The following MOV10 variants were observed in gnomAD, a reference collection of about 807,000 sequenced individuals.
The protein encoded by MOV10 is Mov10 RNA helicase, also known as RNA helicase MOV-10.
MOV10 carries 39 observed loss-of-function variants against 108.4 expected under a neutral mutation model. The ratio of observed to expected loss-of-function variants is 0.36; its 90% CI spans 0.28 to 0.47. The LOEUF (loss-of-function observed/expected upper bound fraction) is 0.47. Ranked by LOEUF, MOV10 falls within the 20% of genes least tolerant of loss-of-function variation. The probability of loss-of-function intolerance (pLI) is 1.00; values close to 1 mark genes in which losing one functional copy is unlikely to be tolerated. For synonymous variants in MOV10, 490 were observed against 523.1 expected, an observed-to-expected ratio of 0.94 and a Z score of 0.86; for missense variants, 952 against 1,297.6, an observed-to-expected ratio of 0.73 and a Z score of 4.09.
At position 112,696,475 on chromosome 1, in the gene MOV10, A is replaced by G; in HGVS notation, c.1922A>G (p.His641Arg). ...SAQFPIDHFT[H>R]IFIDEAGHCM... ...CAGTTTCCCATTGATCACTTCACAC[A>G]CATCTTCATCGATGAGGCTGGCCAC... The change falls in exon 13 of 21, where the codon CAC becomes CGC. Residue 641 changes from histidine to arginine, a missense_variant. By Grantham distance (29) the His-to-Arg change is conservative. This residue lies in a region of MOV10 where 453 missense variants were observed against 611.5 expected (regional missense o/e 0.74). Coordinates refer to ENST00000369645, the MANE Select transcript of MOV10 (RefSeq NM_001321324.2). The G allele has an allele frequency of 6.2e-7, 1 of 1,614,082 alleles. No homozygotes were observed. Among genetic ancestry groups the G allele is most frequent in the Non-Finnish European group, 8.5e-7 (1 of 1,179,994 alleles).
chr1:112,694,834 T>C lies in MOV10; in HGVS notation c.1558T>C (p.Tyr520His). ...IVTGTTRPAP[Y>H]IIFGPPGTGK... The stretch of plus-strand genomic sequence containing the variant: ...TACGGGCACCACCCGTCCAGCCCCC[T>C]ACATCATCTTTGGGCCTCCAGGCAC... The change falls in exon 10 of 21, where the codon TAC (tyrosine) becomes CAC (histidine). Residue 520 changes from tyrosine to histidine, a missense_variant. Tyr to His is a moderately conservative substitution (Grantham distance 83, BLOSUM62 2). This residue lies in a region of MOV10 where 453 missense variants were observed against 611.5 expected (regional missense o/e 0.74). Coordinates refer to ENST00000369645, the MANE Select transcript of MOV10 (RefSeq NM_001321324.2). This position sits in a 1 kb window ranked among gnomAD's most constrained non-coding sequence, Gnocchi z 4.1. 6.2e-7 allele frequency: 1 copy of C among 1,614,132 alleles called. No individual in the cohort carries two copies. The highest frequency in any genetic ancestry group is 8.5e-7 in the Non-Finnish European group (1 of 1,180,012).
At chr1:112,687,901 C>G (rs1164643736) in intron 2 of MOV10, among the ~76,000 whole-genome samples, 7 of 152,134 alleles carry the variant, frequency 4.6e-5, no homozygotes, top group Non-Finnish European at 7.4e-5. Flanking sequence ...GGGCCGCCCC[C>G]CTCTGCCCCT....
At chr1:112,679,652 T>A (rs982425930) in intron 2 of MOV10, among the ~76,000 whole-genome samples, 61 of 151,872 alleles carry the variant, frequency 4.0e-4, no homozygotes, top group Admixed American at 3.9e-3. Context: ...CCTAGAAAAT[T>A]GAGCAAGGGG....
chr1:112,693,033 G>A (rs892905934), intron 7 of MOV10, 104 bp downstream of exon 7: 7 of 1,156,600 alleles, frequency 6.1e-6, no homozygotes, highest in Non-Finnish European at 7.3e-6. Flanking sequence ...GAGGAAAGTT[G>A]AAGTGGTTCC....
chr1:112,698,340 C>A lies in MOV10; in HGVS notation c.2370C>A (p.Asn790Lys). The A allele has an allele frequency of 6.2e-7, 1 of 1,614,212 alleles. No homozygotes were observed. The highest frequency in any genetic ancestry group is 1.1e-5 in the South Asian group (1 of 91,084). Residue 790 changes from asparagine to lysine, a missense_variant, in exon 16 of 21, where the codon AAC (asparagine) becomes AAA (lysine). Around this residue, in one of 5 missense-constraint regions of MOV10, gnomAD observed 453 missense variants for 611.5 expected, o/e 0.74. Coordinates refer to ENST00000369645, the MANE Select transcript of MOV10 (RefSeq NM_001321324.2). Reference sequence around the variant, plus strand: ...TGGGCAAAGATGAGCGTGAAGGCAACAGCCCATCCTTCTTCAACCCTGAAG... The same window carrying A: ...TGGGCAAAGATGAGCGTGAAGGCAAAAGCCCATCCTTCTTCAACCCTGAAG... ...GVMGKDEREGNSPSFFNPEEA... is the reference protein window; with the variant it reads ...GVMGKDEREGKSPSFFNPEEA...
At chr1:112,695,701 A>G (rs1391457518) in intron 11 of MOV10, 127 bp downstream of exon 11, 3 of 960,364 alleles carry the variant, frequency 3.1e-6, no homozygotes, top group Non-Finnish European at 4.3e-6. Context: ...GTTGGACAGG[A>G]CCCCTCCCTG....
At position 112,694,815 on chromosome 1, in the gene MOV10, C is replaced by T. The variant is rs768978181; in HGVS notation, c.1539C>T (p.Gly513=). ...QLQAMRHIVT[G]TTRPAPYIIF... is the part of the protein sequence containing the mutation. ...AGGCCATGAGGCACATTGTTACGGG[C>T]ACCACCCGTCCAGCCCCCTACATCA... The change falls in exon 10 of 21, where the codon GGC becomes GGT. Residue 513 remains glycine (G), a synonymous_variant. Transcript: ENST00000369645. The surrounding 1 kb of genome is among the most constrained non-coding windows in gnomAD (Gnocchi z 4.1). 6 of 1,614,150 alleles carry T rather than the reference C, an allele frequency of 3.7e-6. No homozygotes were observed. The highest frequency in any genetic ancestry group is 2.2e-5 in the East Asian group (1 of 44,882).
Position 112,678,874 on chromosome 1 carries a change from A to T in MOV10, c.137+3825A>T, listed in dbSNP as rs532362861. On this transcript the variant is annotated intron_variant, in intron 2 of 20. Coordinates refer to ENST00000369645, the MANE Select transcript of MOV10 (RefSeq NM_001321324.2). Reference sequence around the variant, plus strand: ...GCGTGGAGAGTGGCTTGGTGGTTGGACCTCTACCCACAGTAAAAAACACAT... The same window carrying T: ...GCGTGGAGAGTGGCTTGGTGGTTGGTCCTCTACCCACAGTAAAAAACACAT... Among the ~76,000 whole-genome samples, 454 of 152,072 alleles carry T rather than the reference A, an allele frequency of 3.0e-3. 6 individuals are homozygous for T. Among genetic ancestry groups the T allele is most frequent in the African/African-American group, 0.01 (428 of 41,396 alleles).
In MOV10 at chr1:112,689,012, C is replaced by G; in HGVS notation, c.215C>G (p.Thr72Ser). Residue 72 changes from threonine to serine, a missense_variant, in exon 3 of 21, where the codon ACT becomes AGT. Coordinates refer to ENST00000369645, the MANE Select transcript of MOV10 (RefSeq NM_001321324.2). ...KIANLAYVTKTRVRFFRLDRW... is the reference protein window; with the variant it reads ...KIANLAYVTKSRVRFFRLDRW... ...GCAAATCTGGCCTACGTCACCAAGA[C>G]TCGGGTCAGGTTCTTCAGACTCGAC... 1 of 1,612,644 alleles carries G rather than the reference C, an allele frequency of 6.2e-7. No homozygotes were observed. The highest frequency in any genetic ancestry group is 8.5e-7 in the Non-Finnish European group (1 of 1,180,036).
rs758287272 is a variant in MOV10, at chr1:112,696,460, T to G, written c.1907T>G (p.Ile636Ser). 1 of 1,614,100 alleles carries G rather than the reference T, an allele frequency of 6.2e-7. No homozygotes were observed. Among genetic ancestry groups the G allele is most frequent in the Admixed American group, 1.7e-5 (1 of 60,018 alleles). ...AGRLVSAQFPIDHFTHIFIDE... is the reference protein window; with the variant it reads ...AGRLVSAQFPSDHFTHIFIDE... ...AGGTTGGTCTCGGCCCAGTTTCCCATTGATCACTTCACACACATCTTCATC... is the reference window on the plus strand; with the variant it reads ...AGGTTGGTCTCGGCCCAGTTTCCCAGTGATCACTTCACACACATCTTCATC... The change falls in exon 13 of 21, where the codon ATT (isoleucine) becomes AGT (serine). Residue 636 changes from isoleucine (I) to serine (S), a missense_variant. Transcript: ENST00000369645.
At chr1:112,691,005 G>A (rs926682691) in intron 5 of MOV10, among the ~76,000 whole-genome samples, 3 of 152,130 alleles carry the variant, frequency 2.0e-5, no homozygotes, top group South Asian at 2.1e-4. Context: ...CTAGCCGGGT[G>A]TGGTGGCTCA....
intron 2 of MOV10, among the ~76,000 whole-genome samples, chr1:112,685,411 C>A (rs1672995438): frequency 6.6e-6 from 1 of 151,886 alleles, no homozygotes; most frequent in South Asian, 2.1e-4. Flanking sequence ...AATCCCAGCA[C>A]TTTGGGAGGC....
At chr1:112,681,063 C>T (rs1672612348) in intron 2 of MOV10, among the ~76,000 whole-genome samples, 1 of 152,080 alleles carries the variant, frequency 6.6e-6, no homozygotes, top group Non-Finnish European at 1.5e-5. Flanking sequence ...CACGTGGGAT[C>T]ATTATCACAT....
In MOV10 at chr1:112,695,394, A is replaced by G. The variant is rs752105322; in HGVS notation, c.1621-22A>G. Reference sequence around the variant, plus strand: ...TGAGTCTCAGGAACCTGCCTCCCACACTGCGCTTATCTGCATCTCAGGTGG... The same window carrying G: ...TGAGTCTCAGGAACCTGCCTCCCACGCTGCGCTTATCTGCATCTCAGGTGG... On this transcript the variant is annotated intron_variant, in intron 10 of 20. Coordinates refer to ENST00000369645, the MANE Select transcript of MOV10 (RefSeq NM_001321324.2). 12 of 1,611,856 alleles carry G rather than the reference A, an allele frequency of 7.4e-6. No homozygotes were observed. The African/African-American group carries it at 1.5e-4, about 20-fold the overall frequency.
chr1:112,690,104 T>C lies in MOV10; in HGVS notation c.836+6T>C. ...GAAGGAGAGAGACCTGACCGGTAAC[T>C]CCTCCCTCCAACTCAGCCCTGGCTG... On this transcript the variant is annotated splice_donor_region_variant and intron_variant, in intron 5 of 20. Transcript: ENST00000369645. The C allele has an allele frequency of 6.2e-7, 1 of 1,611,676 alleles. No homozygotes were observed. The highest frequency in any genetic ancestry group is 8.5e-7 in the Non-Finnish European group (1 of 1,178,590).
rs1012256346 is a variant in MOV10, at chr1:112,675,213, C to G, written c.137+164C>G. On this transcript the variant is annotated intron_variant, in intron 2 of 20. Transcript: ENST00000369645. This position sits in a 1 kb window ranked among gnomAD's most constrained non-coding sequence, Gnocchi z 4.7. ...CAGACCTCCCCTCCCGCGCCTCGCC[C>G]ACGCCCCACCAGCGCCGCCCGGAGC... 3.3e-5 allele frequency among the ~76,000 whole-genome samples: 5 copies of G among 152,004 alleles called. No homozygotes were observed. The highest frequency in any genetic ancestry group is 3.3e-4 in the Admixed American group (5 of 15,268).
chr1:112,686,808 C>T (rs1673113357), intron 2 of MOV10, among the ~76,000 whole-genome samples: 1 of 152,222 alleles, frequency 6.6e-6, no homozygotes, highest in South Asian at 2.1e-4. Context: ...ATTCCCCCTT[C>T]TGTCAGTCAC....
intron 7 of MOV10, 74 bp from the exon 8 acceptor site, chr1:112,693,944 C>T: frequency 6.9e-7 from 1 of 1,448,956 alleles, no homozygotes; most frequent in African/African-American, 1.4e-5. Context: ...CCTTAAAGGT[C>T]TGGGGAACCT....
Position 112,700,458 on chromosome 1 carries a change from A to G in MOV10, c.2963A>G (p.Glu988Gly). The change falls in exon 21 of 21, where the codon GAA (glutamate) becomes GGA (glycine). Residue 988 changes from glutamate (E) to glycine (G), a missense_variant. Around this residue, in one of 5 missense-constraint regions of MOV10, gnomAD observed 42 missense variants for 36.5 expected, o/e 1.15. Coordinates refer to ENST00000369645, the MANE Select transcript of MOV10 (RefSeq NM_001321324.2). ...TACCTCCCCCAGGAGCGGGAGGGTG[A>G]AGGGGGCCTGTCTCTGCAAGTGGAG... is the stretch of plus-strand genomic sequence containing the variant. ...HDYLPQEREG[E>G]GGLSLQVEPE... 6.2e-7 allele frequency: 1 copy of G among 1,613,878 alleles called. No individual in the cohort carries two copies. The highest frequency in any genetic ancestry group is 2.2e-5 in the East Asian group (1 of 44,866).
Sources: allele counts gnomAD v4.1 joint callset (sites outside exome capture counted in the v4.1 genomes callset), GRCh38; gene constraint gnomAD v4.1.1; regional missense constraint gnomAD v4.1.1; non-coding constraint Gnocchi (gnomAD v3.1); transcripts MANE v1.5; gene names NCBI Gene and HGNC (gene_info 2026-07-23, HGNC 2026-07-21).